The following MDC1 variants were observed in gnomAD, a reference collection of about 807,000 sequenced individuals.
MDC1 encodes the protein mediator of DNA damage checkpoint protein 1.
In MDC1, 81 loss-of-function variants were observed where a neutral mutation model predicts 142.5. The ratio of observed to expected loss-of-function variants is 0.57; its 90% confidence interval spans 0.47 to 0.68. The LOEUF (loss-of-function observed/expected upper bound fraction) is 0.68. Among genes scored for constraint, MDC1 ranks in the 30% least tolerant of loss-of-function variants. MDC1 has a pLI of 0.00. For missense variants in MDC1, 2,119 were observed against 2,547.9 expected (o/e 0.83, Z 3.62); for synonymous variants, 797 against 968.4 (o/e 0.82, Z 3.29).
In MDC1 at chr6:30,703,545, T is replaced by G; in HGVS notation, c.5563-8A>C. 1 of 1,613,058 alleles carries G rather than the reference T, an allele frequency of 6.2e-7. No individual in the cohort carries two copies. The highest frequency in any genetic ancestry group is 8.5e-7 in the Non-Finnish European group (1 of 1,180,018). On this transcript the variant is annotated splice_region_variant and splice_polypyrimidine_tract_variant and intron_variant, in intron 10 of 14. Coordinates refer to ENST00000376406, the MANE Select transcript of MDC1 (RefSeq NM_014641.3). This position sits in a 1 kb window ranked among gnomAD's most constrained non-coding sequence, Gnocchi z 4.4. ...TTTTGGAGTCACGACATCCTGAGAT[T>G]GAGAAAAATCTTGGTGGGAGTTTCA...
Position 30,704,038 on chromosome 6 carries a change from A to G in MDC1, c.5145T>C (p.Ile1715=). 1 of 1,614,176 alleles carries G rather than the reference A, an allele frequency of 6.2e-7. No homozygotes were observed. Among genetic ancestry groups the G allele is most frequent in the Non-Finnish European group, 8.5e-7 (1 of 1,180,038 alleles). ...TTDQPISPEP[I]TQPSCIKRQR... ...GCCTCTTGATGCAACTGGGTTGAGT[A>G]ATAGGCTCAGGGGAAATAGGCTGGT... The change falls in exon 10 of 15, where the codon ATT becomes ATC. Residue 1715 remains isoleucine (I), a synonymous_variant. Transcript: ENST00000376406.
intron 14 of MDC1, 101 bp from the exon 15 acceptor site, chr6:30,700,733 T>A (rs142380081): frequency 8.2e-7 from 1 of 1,226,010 alleles, no homozygotes; most frequent in Non-Finnish European, 1.2e-6. Flanking sequence ...TAATACCTCC[T>A]AATATGAAGC....
rs1453520409 is a variant in MDC1 at position 30,703,629 on chromosome 6, TC to T, written c.5553del (p.Lys1852ArgfsTer6). ...CCCAACCCTCTCCTCACCTCTTCCT[TC>T]CCTGGCTTCTCTGCAGTATCTTCTT... Reference protein sequence around the residue: ...EEEEDTAEKPGKEEDVVTPKP... With the variant: ...EEEEDTAEKPXKEEDVVTPKP... On this transcript the variant is annotated frameshift_variant, in exon 10 of 15. Coordinates refer to ENST00000376406, the MANE Select transcript of MDC1 (RefSeq NM_014641.3). LOFTEE classifies it high-confidence loss of function. This position sits in a 1 kb window ranked among gnomAD's most constrained non-coding sequence, Gnocchi z 4.4. 9.4e-6 allele frequency: 15 copies of T among 1,592,080 alleles called. No homozygotes were observed. In the Admixed American group the frequency reaches 2.7e-4, roughly 29 times the overall value.
chr6:30,703,993 A>G lies in MDC1; in HGVS notation c.5190T>C (p.Pro1730=), dbSNP rs757372338. ...CIKRQRAAGN[P]GSLAAPIDHK... is the part of the protein sequence containing the mutation. ...GGTCAATGGGAGCTGCGAGGGAGCC[A>G]GGGTTCCCAGCGGCTCTCTGCCTCT... Residue 1730 remains proline, a synonymous_variant, in exon 10 of 15, where the codon CCT becomes CCC. Transcript: ENST00000376406. The surrounding 1 kb of genome is among the most constrained non-coding windows in gnomAD (Gnocchi z 4.4). 4.3e-6 allele frequency: 7 copies of G among 1,614,200 alleles called. No individual in the cohort carries two copies. The South Asian group carries it at 7.7e-5, about 18-fold the overall frequency.
rs1562111915 is a variant in MDC1, at chr6:30,709,280, G to A, written c.2222-923C>T. Reference sequence around the variant, plus strand: ...GATCCACCCACATTGGTCTCCCAAAGTGCTGGGATTACAGGTGTGAGCCAC... The same window carrying A: ...GATCCACCCACATTGGTCTCCCAAAATGCTGGGATTACAGGTGTGAGCCAC... On this transcript the variant is annotated intron_variant, in intron 7 of 14. Transcript: ENST00000376406. This position sits in a 1 kb window ranked among gnomAD's most constrained non-coding sequence, Gnocchi z 4.2. Among the ~76,000 whole-genome samples the A allele has an allele frequency of 6.6e-6, 1 of 152,240 alleles. No individual in the cohort carries two copies. Among genetic ancestry groups the A allele is most frequent in the Non-Finnish European group, 1.5e-5 (1 of 68,042 alleles).
intron 12 of MDC1, 84 bp from the exon 13 acceptor site, chr6:30,702,961 A>G: frequency 6.3e-7 from 1 of 1,599,360 alleles, no homozygotes; most frequent in Non-Finnish European, 8.5e-7. Flanking sequence ...GAGCTCACAA[A>G]ATGTCTTTTA....
intron 12 of MDC1, 89 bp from the exon 13 acceptor site, chr6:30,702,966 C>T (rs1369407087): frequency 6.3e-7 from 1 of 1,596,638 alleles, no homozygotes; most frequent in Non-Finnish European, 8.5e-7. Flanking sequence ...CACAAAATGT[C>T]TTTTAAATCA....
At chr6:30,711,334 G>A in intron 7 of MDC1, 78 bp downstream of exon 7, 2 of 1,330,200 alleles carry the variant, frequency 1.5e-6, no homozygotes, top group Non-Finnish European at 2.1e-6. Flanking sequence ...CTGCACCACT[G>A]TAATCCAGCC....
In MDC1 at chr6:30,703,546, G is replaced by T; in HGVS notation, c.5563-9C>A. On this transcript the variant is annotated splice_polypyrimidine_tract_variant and intron_variant, in intron 10 of 14. Coordinates refer to ENST00000376406, the MANE Select transcript of MDC1 (RefSeq NM_014641.3). This position sits in a 1 kb window ranked among gnomAD's most constrained non-coding sequence, Gnocchi z 4.4. Reference sequence around the variant, plus strand: ...TTTGGAGTCACGACATCCTGAGATTGAGAAAAATCTTGGTGGGAGTTTCAG... The same window carrying T: ...TTTGGAGTCACGACATCCTGAGATTTAGAAAAATCTTGGTGGGAGTTTCAG... 1 of 1,612,938 alleles carries T rather than the reference G, an allele frequency of 6.2e-7. No individual in the cohort carries two copies. Among genetic ancestry groups the T allele is most frequent in the Non-Finnish European group, 8.5e-7 (1 of 1,180,014 alleles).
Position 30,713,788 on chromosome 6 carries a change from A to G in MDC1, c.517+15T>C. 1 of 1,613,718 alleles carries G rather than the reference A, an allele frequency of 6.2e-7. No homozygotes were observed. Among genetic ancestry groups the G allele is most frequent in the Non-Finnish European group, 8.5e-7 (1 of 1,179,672 alleles). On this transcript the variant is annotated intron_variant, in intron 3 of 14. Transcript: ENST00000376406. The surrounding 1 kb of genome is among the most constrained non-coding windows in gnomAD (Gnocchi z 4.9). The stretch of plus-strand genomic sequence containing the variant: ...TTCCTGTCTCCTCATTCTCCCTGCC[A>G]ATATACAAACTTACCTACTTCCTCC...
rs893046689 is a variant in MDC1 at position 30,700,079 on chromosome 6, A to C, written c.*386T>G. ...AGATGGTTTCCAAATAGGAGGTAGG[A>C]CACCATGAGTGGCATCGAGCAATAA... On this transcript the variant is annotated 3_prime_UTR_variant, in exon 15 of 15. Transcript: ENST00000376406. 4.2e-6 allele frequency: 1 copy of C among 239,456 alleles called. No individual in the cohort carries two copies. The highest frequency in any genetic ancestry group is 8.2e-6 in the Non-Finnish European group (1 of 122,498). 14.8% of individuals were successfully genotyped at this position (239,456 alleles called of 1,614,324 possible).
At position 30,706,050 on chromosome 6, in the gene MDC1, C is replaced by T. The variant is rs752754991; in HGVS notation, c.3133G>A (p.Ala1045Thr). ...DACLPPTVPEAPAPPQKPLNS... is the reference protein window; with the variant it reads ...DACLPPTVPETPAPPQKPLNS... ...AGGGGCTTTTGGGGTGGGGCTGGGGCTTCAGGTACTGTAGGAGGCAGACAA... is the reference window on the plus strand; with the variant it reads ...AGGGGCTTTTGGGGTGGGGCTGGGGTTTCAGGTACTGTAGGAGGCAGACAA... The change falls in exon 10 of 15, where the codon GCC becomes ACC. Residue 1045 changes from alanine (A) to threonine (T), a missense_variant. Physicochemically the swap from Ala to Thr is moderately conservative, Grantham distance 58. Coordinates refer to ENST00000376406, the MANE Select transcript of MDC1 (RefSeq NM_014641.3). The T allele has an allele frequency of 2.5e-6, 4 of 1,599,932 alleles. No individual in the cohort carries two copies. The highest frequency in any genetic ancestry group is 3.4e-6 in the Non-Finnish European group (4 of 1,179,074).
Position 30,716,750 on chromosome 6 carries a change from C to CCTAGTG in MDC1, c.-4+494_-4+495insCACTAG, listed in dbSNP as rs199635169. On this transcript the variant is annotated intron_variant, in intron 1 of 14. Coordinates refer to ENST00000376406, the MANE Select transcript of MDC1 (RefSeq NM_014641.3). This position sits in a 1 kb window ranked among gnomAD's most constrained non-coding sequence, Gnocchi z 4.4. Reference sequence around the variant, plus strand: ...ATATTCATTCAATGGTTATGGTATACCTGTTTGAAGTATTTGGTATACATC... The same window carrying CCTAGTG: ...ATATTCATTCAATGGTTATGGTATACCTAGTGCTGTTTGAAGTATTTGGTATACATC... The CCTAGTG allele has an allele frequency of 0.017, 3,416 of 203,284 alleles. 41 individuals are homozygous for CCTAGTG. The highest frequency in any genetic ancestry group is 0.058 in the South Asian group (344 of 5,888). The allele number at this position is 203,284 out of a possible 1,614,324, so 12.6% of individuals were successfully genotyped here. A position where few individuals can be genotyped will look rare whatever the true frequency, so the allele number is the denominator to read the frequency against.
chr6:30,711,704 T>C lies in MDC1; in HGVS notation c.2091A>G (p.Gln697=). Residue 697 remains glutamine, a synonymous_variant, in exon 6 of 15, where the codon CAA becomes CAG. Transcript: ENST00000376406. ...GATTCTCCAGAAAGCACTGGGTAGC[T>C]TGTAGGTCCAGATCTTCAGAATCTG... ...NYGDSEDLDL[Q]ATQCFLENQG... The C allele has an allele frequency of 1.2e-6, 2 of 1,612,954 alleles. No homozygotes were observed. The highest frequency in any genetic ancestry group is 1.7e-6 in the Non-Finnish European group (2 of 1,179,966).
At chr6:30,714,923 GA>G (rs375977251) in intron 2 of MDC1, 116 bp downstream of exon 2, 14,041 of 920,346 alleles carry the variant, frequency 0.015, 2 homozygotes, top group Middle Eastern at 0.022. Flanking sequence ...TTCCATTCAT[GA>G]AAAAAAAAAA....
At chr6:30,706,148 A>G (rs1049463799) in intron 9 of MDC1, 50 bp from the exon 10 acceptor site, 1 of 1,432,158 alleles carries the variant, frequency 7.0e-7, no homozygotes, top group African/African-American at 1.4e-5. Context: ...GAAAAGAGAT[A>G]GAACTTGGAT....
intron 14 of MDC1, among the ~76,000 whole-genome samples, chr6:30,701,278 G>C (rs1772631644): frequency 6.6e-6 from 1 of 151,892 alleles, no homozygotes; most frequent in South Asian, 2.1e-4. Flanking sequence ...GTGTGCGCCT[G>C]TAGTCCCAGC....
rs754632799 is a variant in MDC1, at chr6:30,702,576, G to C, written c.6079C>G (p.Pro2027Ala). 1.2e-6 allele frequency: 2 copies of C among 1,604,754 alleles called. No individual in the cohort carries two copies. The highest frequency in any genetic ancestry group is 1.7e-6 in the Non-Finnish European group (2 of 1,176,258). ...IISCCGGTYL[P>A]SMPRSYKPQR... is the part of the protein sequence containing the mutation. ...ACCTTATAGGACCGAGGCATGCTGG[G>C]TAGGTATGTGCCTCCACAGCAGCTA... Residue 2027 changes from proline to alanine, a missense_variant, in exon 14 of 15, where the codon CCC (proline) becomes GCC (alanine). Transcript: ENST00000376406.
chr6:30,714,350 C>T (rs1191296204), intron 2 of MDC1, among the ~76,000 whole-genome samples, 167 bp from the exon 3 acceptor site: 1 of 152,120 alleles, frequency 6.6e-6, no homozygotes, highest in African/African-American at 2.4e-5. Flanking sequence ...GATACCCCAT[C>T]CATCCACAAT....
Sources: allele counts gnomAD v4.1 joint callset (sites outside exome capture counted in the v4.1 genomes callset), GRCh38; gene constraint gnomAD v4.1.1; non-coding constraint Gnocchi (gnomAD v3.1); transcripts MANE v1.5; gene names NCBI Gene and HGNC (gene_info 2026-07-23, HGNC 2026-07-21).